INPP5A: variants seen among roughly 807,000 people sequenced by gnomAD.
INPP5A encodes the protein 43 kDa inositol polyphosphate 5-phophatase.
In INPP5A, 14 loss-of-function variants were observed where a neutral mutation model predicts 65.2. The observed-to-expected ratio is 0.21, with a 90% CI of 0.14 to 0.34. The LOEUF is 0.34. Ranked by LOEUF, INPP5A falls within the 10% of genes least tolerant of loss-of-function variation. The probability of loss-of-function intolerance (pLI) is 1.00; values close to 1 mark genes in which losing one functional copy is unlikely to be tolerated. For synonymous variants in INPP5A, 207 were observed against 208.3 expected (o/e 0.99, Z 0.05); for missense variants, 431 against 545.6 (o/e 0.79, Z 2.09).
chr10:132,681,352 ACT>A lies in INPP5A; in HGVS notation c.307-9035_307-9034del, dbSNP rs1379344268. ...TTTGCAATAAATCTTGCTACTGCTCACTCTCTGGATCCACACTGCCTTTATGA... is the reference window on the plus strand; with the variant it reads ...TTTGCAATAAATCTTGCTACTGCTCACTCTGGATCCACACTGCCTTTATGA... On this transcript the variant is annotated intron_variant, in intron 4 of 15. Transcript: ENST00000368594. Among the ~76,000 whole-genome samples, 3 of 151,836 alleles carry A rather than the reference ACT, an allele frequency of 2.0e-5. No homozygotes were observed. In the East Asian group the frequency reaches 5.8e-4, roughly 29 times the overall value.
rs191469789 is a variant in INPP5A at position 132,563,956 on chromosome 10, C to T, written c.75+25785C>T. Reference sequence around the variant, plus strand: ...AGTCAGGGCAGAGCGGGAGCAAAGTCGTCCTGGTTCATACCTGAACCGAGA... The same window carrying T: ...AGTCAGGGCAGAGCGGGAGCAAAGTTGTCCTGGTTCATACCTGAACCGAGA... On this transcript the variant is annotated intron_variant, in intron 1 of 15. Coordinates refer to ENST00000368594, the MANE Select transcript of INPP5A (RefSeq NM_005539.5). Among the ~76,000 whole-genome samples, 5 of 152,274 alleles carry T rather than the reference C, an allele frequency of 3.3e-5. No individual in the cohort carries two copies. The East Asian group carries it at 5.8e-4, about 18-fold the overall frequency.
Position 132,603,465 on chromosome 10 carries a change from C to A in INPP5A, c.76-4450C>A, listed in dbSNP as rs748658260. On this transcript the variant is annotated intron_variant, in intron 1 of 15. Coordinates refer to ENST00000368594, the MANE Select transcript of INPP5A (RefSeq NM_005539.5). This position sits in a 1 kb window ranked among gnomAD's most constrained non-coding sequence, Gnocchi z 4.2. ...CCAGCAAGGAGGACAGGCTGTGCTT[C>A]ACCAGTTAAATTTAATCCTGCTCAA... Among the ~76,000 whole-genome samples the A allele has an allele frequency of 6.6e-6, 1 of 152,214 alleles. No individual in the cohort carries two copies. Among genetic ancestry groups the A allele is most frequent in the Admixed American group, 6.5e-5 (1 of 15,278 alleles).
chr10:132,611,017 G>T (rs765634142), intron 2 of INPP5A, among the ~76,000 whole-genome samples: 2 of 151,516 alleles, frequency 1.3e-5, no homozygotes, highest in Non-Finnish European at 2.9e-5. Flanking sequence ...GGGAGGTGAC[G>T]TGGGCAGAGG....
intron 9 of INPP5A, among the ~76,000 whole-genome samples, chr10:132,748,821 C>T (rs1846418634): frequency 2.0e-5 from 3 of 152,214 alleles, no homozygotes; most frequent in African/African-American, 7.2e-5. Context: ...CACCAGAGGC[C>T]GCAACCCTGA....
In INPP5A at chr10:132,676,201, G is replaced by A. The variant is rs772739152; in HGVS notation, c.307-14191G>A. On this transcript the variant is annotated intron_variant, in intron 4 of 15. Transcript: ENST00000368594. The surrounding 1 kb of genome is among the most constrained non-coding windows in gnomAD (Gnocchi z 4.0). The stretch of plus-strand genomic sequence containing the variant: ...TTATTATTCAAAAAATAGCATCTGC[G>A]TTGCAAATGAATCTCATTTTGAGAG... Among the ~76,000 whole-genome samples the A allele has an allele frequency of 3.9e-5, 6 of 152,236 alleles. No homozygotes were observed. The highest frequency in any genetic ancestry group is 3.9e-4 in the East Asian group (2 of 5,180).
chr10:132,672,297 A>T (rs1403121221), intron 4 of INPP5A, among the ~76,000 whole-genome samples: 1 of 152,166 alleles, frequency 6.6e-6, no homozygotes, highest in Non-Finnish European at 1.5e-5. Context: ...ATTGGTTTTG[A>T]AATGTGAGGA....
intron 11 of INPP5A, among the ~76,000 whole-genome samples, chr10:132,754,528 C>T (rs1015648129): frequency 6.6e-6 from 1 of 152,260 alleles, no homozygotes; most frequent in African/African-American, 2.4e-5. Flanking sequence ...CCTCACCCCT[C>T]CACCCCTGGC....
At chr10:132,554,952 TG>T (rs1803964662) in intron 1 of INPP5A, among the ~76,000 whole-genome samples, 1 of 146,726 alleles carries the variant, frequency 6.8e-6, no homozygotes, top group African/African-American at 2.6e-5. Context: ...ATGGGTAGCA[TG>T]GTCCATGTGG....
chr10:132,709,881 A>G (rs905980528), intron 7 of INPP5A, among the ~76,000 whole-genome samples: 2 of 152,192 alleles, frequency 1.3e-5, no homozygotes, highest in Non-Finnish European at 2.9e-5. Flanking sequence ...CAGCCGGCCC[A>G]CGGGGCTTCC....
intron 1 of INPP5A, among the ~76,000 whole-genome samples, chr10:132,593,418 A>C (rs1357136875): frequency 6.6e-6 from 1 of 152,198 alleles, no homozygotes; most frequent in Non-Finnish European, 1.5e-5. Context: ...ATTAACCTTC[A>C]TTTATTACTT....
At chr10:132,749,719 A>G in intron 10 of INPP5A, 52 bp from the exon 11 acceptor site, 5 of 1,598,200 alleles carry the variant, frequency 3.1e-6, no homozygotes, top group South Asian at 1.1e-5. Flanking sequence ...GCTAGGGGAC[A>G]CGCACAAGGC....
intron 1 of INPP5A, among the ~76,000 whole-genome samples, chr10:132,570,144 G>A (rs998599085): frequency 1.2e-4 from 16 of 134,034 alleles, no homozygotes; most frequent in African/African-American, 3.7e-4. Context: ...ACGGGGTTTC[G>A]CCTTATTGGC....
At chr10:132,677,629 T>A (rs1241752463) in intron 4 of INPP5A, among the ~76,000 whole-genome samples, 1 of 152,236 alleles carries the variant, frequency 6.6e-6, no homozygotes, top group African/African-American at 2.4e-5. Flanking sequence ...TCGTTCCATT[T>A]CAGTTGCTCC....
At position 132,663,410 on chromosome 10, in the gene INPP5A, T is replaced by G. The variant is rs1468115053; in HGVS notation, c.306+12905T>G. On this transcript the variant is annotated intron_variant, in intron 4 of 15. Transcript: ENST00000368594. This position sits in a 1 kb window ranked among gnomAD's most constrained non-coding sequence, Gnocchi z 4.5. ...CTAAAAAAAAACTGTTTATAGAGAC[T>G]GGGTGTCACCGTGTTGCCCAGTCAG... Among the ~76,000 whole-genome samples, 1 of 152,100 alleles carries G rather than the reference T, an allele frequency of 6.6e-6. No homozygotes were observed. Among genetic ancestry groups the G allele is most frequent in the Non-Finnish European group, 1.5e-5 (1 of 68,024 alleles).
intron 8 of INPP5A, among the ~76,000 whole-genome samples, chr10:132,712,481 T>G (rs1324665192): frequency 6.9e-6 from 1 of 144,840 alleles, no homozygotes; most frequent in African/African-American, 2.6e-5. Flanking sequence ...TGTGTGTGGG[T>G]ACATGTCTAT....
chr10:132,609,794 G>A (rs1023865896), intron 2 of INPP5A, among the ~76,000 whole-genome samples: 4 of 152,004 alleles, frequency 2.6e-5, no homozygotes, highest in South Asian at 2.1e-4. Context: ...ACAGGCACCC[G>A]CCACCATGCC....
intron 11 of INPP5A, among the ~76,000 whole-genome samples, chr10:132,763,594 C>T (rs1846772125): frequency 6.6e-6 from 1 of 152,028 alleles, no homozygotes; most frequent in Non-Finnish European, 1.5e-5. Context: ...CACACATAAA[C>T]ATGCCTGCAT....
chr10:132,702,478 A>G (rs1425367995), intron 6 of INPP5A, among the ~76,000 whole-genome samples: 1 of 152,274 alleles, frequency 6.6e-6, no homozygotes, highest in African/African-American at 2.4e-5. Context: ...GAGAAGAATA[A>G]TTAATTTTGG....
chr10:132,733,732 G>A (rs930600186), intron 9 of INPP5A, among the ~76,000 whole-genome samples: 18 of 152,186 alleles, frequency 1.2e-4, no homozygotes, highest in African/African-American at 4.3e-4. Context: ...CTCCCTCTGC[G>A]TGTGAACGGG....
Sources: allele counts gnomAD v4.1 joint callset (sites outside exome capture counted in the v4.1 genomes callset), GRCh38; gene constraint gnomAD v4.1.1; non-coding constraint Gnocchi (gnomAD v3.1); transcripts MANE v1.5; gene names NCBI Gene and HGNC (gene_info 2026-07-23, HGNC 2026-07-21).